DSCAM: variants seen among roughly 807,000 people sequenced by gnomAD.
The protein encoded by DSCAM is cell adhesion molecule DSCAM.
DSCAM carries 47 observed loss-of-function variants against 217.7 expected under a neutral mutation model. The ratio of observed to expected loss-of-function variants is 0.22; its 90% confidence interval spans 0.17 to 0.28. The LOEUF is 0.28. Ranked by LOEUF, DSCAM falls within the 10% of genes least tolerant of loss-of-function variation. DSCAM has a pLI of 1.00. For synonymous variants in DSCAM, 1,056 were observed against 1,015.3 expected (o/e 1.04, Z -0.76); for missense variants, 2,080 against 2,618.3 (o/e 0.79, Z 4.49).
chr21:40,190,096 C>T (rs571144395), intron 11 of DSCAM, among the ~76,000 whole-genome samples: 27 of 152,244 alleles, frequency 1.8e-4, no homozygotes, highest in African/African-American at 6.3e-4. Flanking sequence ...GTCCTTCTTC[C>T]ATAACTTATA....
intron 3 of DSCAM, among the ~76,000 whole-genome samples, chr21:40,547,185 T>A (rs2076590237): frequency 6.6e-6 from 1 of 152,056 alleles, no homozygotes. Context: ...GTAGACACAA[T>A]AGCAGCAAGG....
chr21:40,664,344 C>A (rs1318747209), intron 3 of DSCAM, among the ~76,000 whole-genome samples: 1 of 152,166 alleles, frequency 6.6e-6, no homozygotes, highest in Non-Finnish European at 1.5e-5. Context: ...TTATTGTTAT[C>A]AAGGCCTGTG....
intron 3 of DSCAM, among the ~76,000 whole-genome samples, chr21:40,590,925 C>T (rs192197516): frequency 1.3e-5 from 2 of 152,080 alleles, no homozygotes; most frequent in Non-Finnish European, 2.9e-5. Context: ...AACAAAATGC[C>T]ATGGCTTATT....
At chr21:40,805,723 T>TTTCTTTTC (rs1569045150) in intron 1 of DSCAM, among the ~76,000 whole-genome samples, 2 of 151,514 alleles carry the variant, frequency 1.3e-5, no homozygotes, top group Admixed American at 6.6e-5. Flanking sequence ...TTTTCTTTTT[T>TTTCTTTTC]TTTTTAATGG....
At chr21:40,518,701 T>TAC (rs2076335585) in intron 3 of DSCAM, among the ~76,000 whole-genome samples, 1 of 144,578 alleles carries the variant, frequency 6.9e-6, no homozygotes, top group African/African-American at 2.6e-5. Context: ...TGTATATATA[T>TAC]ATACACACAC....
chr21:40,226,376 C>T (rs566320658), intron 11 of DSCAM, among the ~76,000 whole-genome samples: 1 of 152,262 alleles, frequency 6.6e-6, no homozygotes, highest in East Asian at 1.9e-4. Flanking sequence ...AGAAATTTCT[C>T]CCTTGAACAC....
At position 40,026,338 on chromosome 21, in the gene DSCAM, T is replaced by C. The variant is rs1402740036; in HGVS notation, c.5687-12952A>G. On this transcript the variant is annotated intron_variant, in intron 32 of 32. Transcript: ENST00000400454. The stretch of plus-strand genomic sequence containing the variant: ...AGGTGTGGTGTGGTGCTGAAAAAAA[T>C]GTGTATTCTGTTGATTTGGGGTGGA... Among the ~76,000 whole-genome samples the C allele has an allele frequency of 3.5e-5, 5 of 143,068 alleles. No homozygotes were observed. In the East Asian group the frequency reaches 5.9e-4, roughly 17 times the overall value. The allele number at this position is 143,068 out of a possible 152,430, so 93.9% of individuals were successfully genotyped here. A position where few individuals can be genotyped will look rare whatever the true frequency, so the allele number is the denominator to read the frequency against.
At chr21:40,677,770 C>T (rs1393723448) in intron 3 of DSCAM, among the ~76,000 whole-genome samples, 1 of 152,214 alleles carries the variant, frequency 6.6e-6, no homozygotes, top group South Asian at 2.1e-4. Context: ...CCCAGAGACA[C>T]CATTCGCCTC....
At chr21:40,818,547 CAAAAAAAAAAAAAAAAAAA>C (rs60730859) in intron 1 of DSCAM, among the ~76,000 whole-genome samples, 28 of 41,854 alleles carry the variant, frequency 6.7e-4, no homozygotes, top group East Asian at 4.0e-3. Context: ...CTCCGTCTCA[CAAAAAAAAAAAAAAAAAAA>C]AAAAAAAAAA....
intron 3 of DSCAM, among the ~76,000 whole-genome samples, chr21:40,626,334 C>T (rs1401928074): frequency 2.0e-5 from 3 of 152,146 alleles, no homozygotes; most frequent in African/African-American, 7.2e-5. Flanking sequence ...TTTGAGGTCA[C>T]CATCATCCCT....
intron 16 of DSCAM, among the ~76,000 whole-genome samples, chr21:40,148,215 A>G (rs1201653672): frequency 1.3e-5 from 2 of 151,956 alleles, no homozygotes; most frequent in Non-Finnish European, 2.9e-5. Context: ...GGGTGCTAAT[A>G]TGATCTATAG....
intron 3 of DSCAM, among the ~76,000 whole-genome samples, chr21:40,460,756 T>C (rs1467455200): frequency 6.6e-6 from 1 of 152,128 alleles, no homozygotes; most frequent in Non-Finnish European, 1.5e-5. Context: ...AAACATGAAA[T>C]GTTATTCTCA....
At chr21:40,139,796 T>C (rs1324678751) in intron 18 of DSCAM, among the ~76,000 whole-genome samples, 4 of 150,832 alleles carry the variant, frequency 2.7e-5, no homozygotes, top group Admixed American at 6.6e-5. Context: ...TGGTGTGATA[T>C]GTGGTGTATG....
chr21:40,423,874 C>A (rs993022431), intron 3 of DSCAM, among the ~76,000 whole-genome samples: 1 of 152,032 alleles, frequency 6.6e-6, no homozygotes, highest in Non-Finnish European at 1.5e-5. Context: ...AATCCAAGAG[C>A]GGAGGCTGTG....
chr21:40,670,627 G>A (rs897347725), intron 3 of DSCAM, among the ~76,000 whole-genome samples: 5 of 151,912 alleles, frequency 3.3e-5, no homozygotes, highest in South Asian at 4.2e-4. Flanking sequence ...TTCACTTAGC[G>A]TAATACCCTC....
chr21:40,810,548 G>A (rs1357776087), intron 1 of DSCAM, among the ~76,000 whole-genome samples: 1 of 152,122 alleles, frequency 6.6e-6, no homozygotes, highest in Non-Finnish European at 1.5e-5. Context: ...CTAATTAGCT[G>A]ACCCAGCTCC....
intron 1 of DSCAM, among the ~76,000 whole-genome samples, chr21:40,738,776 G>C (rs1286260251): frequency 6.6e-6 from 1 of 152,220 alleles, no homozygotes; most frequent in Admixed American, 6.5e-5. Context: ...ACTTGGAGAA[G>C]CAAAGTCCTA....
intron 2 of DSCAM, among the ~76,000 whole-genome samples, chr21:40,696,040 T>C (rs1310996533): frequency 6.6e-6 from 1 of 152,038 alleles, no homozygotes; most frequent in African/African-American, 2.4e-5. Context: ...CTGCTAACTT[T>C]GTTGCAGTAA....
intron 27 of DSCAM, among the ~76,000 whole-genome samples, chr21:40,064,059 A>T (rs762639178): frequency 1.3e-5 from 2 of 152,060 alleles, no homozygotes; most frequent in Non-Finnish European, 2.9e-5. Context: ...TTTATCTGCA[A>T]AGACACAGTA....
Sources: allele counts gnomAD v4.1 joint callset (sites outside exome capture counted in the v4.1 genomes callset), GRCh38; gene constraint gnomAD v4.1.1; transcripts MANE v1.5; gene names NCBI Gene and HGNC (gene_info 2026-07-23, HGNC 2026-07-21).